Variants in PDIA6 observed in about 807,000 individuals in gnomAD.
PDIA6 encodes protein disulfide isomerase family A member 6.
A neutral mutation model predicts 58.4 loss-of-function variants in PDIA6; 29 were observed. The observed-to-expected ratio is 0.50, with a 90% CI of 0.37 to 0.68. The LOEUF is 0.68. PDIA6 is among the 30% of genes least tolerant of loss of function. The pLI is 0.00. For missense variants in PDIA6, 480 were observed against 551.0 expected (o/e 0.87, Z 1.29); for synonymous variants, 192 against 202.6 (o/e 0.95, Z 0.44).
Position 10,787,442 on chromosome 2 carries a change from A to T in PDIA6, c.999-3T>A. 2 of 1,608,046 alleles carry T rather than the reference A, an allele frequency of 1.2e-6. No homozygotes were observed. Among genetic ancestry groups the T allele is most frequent in the Non-Finnish European group, 1.7e-6 (2 of 1,176,938 alleles). ...CTCCAGCTTCTGTCCACAGCCACCTAGAAAACCAGACTGGTTTTTAGGGCA... is the reference window on the plus strand; with the variant it reads ...CTCCAGCTTCTGTCCACAGCCACCTTGAAAACCAGACTGGTTTTTAGGGCA... On this transcript the variant is annotated splice_polypyrimidine_tract_variant and splice_region_variant and intron_variant, in intron 10 of 12. Transcript: ENST00000272227.
upstream of PDIA6, among the ~76,000 whole-genome samples, chr2:10,813,872 A>C (rs1034677601): frequency 1.3e-5 from 2 of 151,292 alleles, no homozygotes; most frequent in Non-Finnish European, 2.9e-5. Flanking sequence ...TGACAGGTGC[A>C]TGTCACCACG....
At chr2:10,812,424 C>T (rs981548668) in intron 1 of PDIA6, among the ~76,000 whole-genome samples, 2 of 151,978 alleles carry the variant, frequency 1.3e-5, no homozygotes, top group African/African-American at 4.8e-5. Flanking sequence ...ACCCCGCGCC[C>T]GGCTCCAGCG....
At position 10,788,886 on chromosome 2, in the gene PDIA6, G is replaced by A. The variant is rs41264187; in HGVS notation, c.925+11C>T. 2.2e-5 allele frequency: 35 copies of A among 1,606,496 alleles called. No homozygotes were observed. In the South Asian group the frequency reaches 2.5e-4, roughly 12 times the overall value. On this transcript the variant is annotated intron_variant, in intron 9 of 12. Transcript: ENST00000272227. ...AGAACAGCTAAGGGAAATCATTTCC[G>A]TCTGTCTTACCAGTATCAAGGATAT...
chr2:10,784,665 A>G, intron 12 of PDIA6: 2 of 509,856 alleles, frequency 3.9e-6, no homozygotes, highest in Non-Finnish European at 3.4e-6. Context: ...AATGAATTCC[A>G]GGTTAAATGT....
chr2:10,794,522 C>G (rs1488318723), intron 4 of PDIA6, among the ~76,000 whole-genome samples: 2 of 146,422 alleles, frequency 1.4e-5, no homozygotes, highest in Non-Finnish European at 3.0e-5. Context: ...CTCAAGTGAT[C>G]CTCCCACCTC....
At chr2:10,833,326 T>C (rs1313350609), upstream of PDIA6, among the ~76,000 whole-genome samples, 1 of 152,192 alleles carries the variant, frequency 6.6e-6, no homozygotes, top group East Asian at 1.9e-4. Context: ...CCCGCAGTTG[T>C]TAATCATCCT....
At chr2:10,831,344 T>C (rs930948175) in intron 1 of PDIA6, among the ~76,000 whole-genome samples, 1 of 152,164 alleles carries the variant, frequency 6.6e-6, no homozygotes, top group East Asian at 1.9e-4. Flanking sequence ...TTTCTGAGGG[T>C]GGCCCCCACC....
chr2:10,812,762 G>GCCGCGCCC lies in PDIA6; in HGVS notation c.-74_-67dup, dbSNP rs1430028474. 2.9e-5 allele frequency: 39 copies of GCCGCGCCC among 1,354,782 alleles called. No individual in the cohort carries two copies. In the Admixed American group the frequency reaches 4.6e-4, roughly 16 times the overall value. The allele number at this position is 1,354,782 out of a possible 1,614,324, so 83.9% of individuals were successfully genotyped here. A position where few individuals can be genotyped will look rare whatever the true frequency, so the allele number is the denominator to read the frequency against. On this transcript the variant is annotated 5_prime_UTR_variant, in exon 1 of 13. Coordinates refer to ENST00000272227, the MANE Select transcript of PDIA6 (RefSeq NM_005742.4). ...GCTTCAGCCCTGCAGCGTGCCGCACGCCGCGCCCCCGCGCCCACGTCCCGC... is the reference window on the plus strand; with the variant it reads ...GCTTCAGCCCTGCAGCGTGCCGCACGCCGCGCCCCCGCGCCCCCGCGCCCACGTCCCGC...
chr2:10,801,286 C>T (rs1327618892), intron 2 of PDIA6, among the ~76,000 whole-genome samples: 3 of 152,012 alleles, frequency 2.0e-5, no homozygotes, highest in South Asian at 2.1e-4. Context: ...TCAAAAAAAG[C>T]GCTTGCTCTA....
At position 10,802,982 on chromosome 2, in the gene PDIA6, T is replaced by C. The variant is rs536541787; in HGVS notation, c.20-342A>G. Among the ~76,000 whole-genome samples, 5 of 152,358 alleles carry C rather than the reference T, an allele frequency of 3.3e-5. No homozygotes were observed. The South Asian group carries it at 6.2e-4, about 19-fold the overall frequency. ...TACTGTCATTTTATGGCATGGACGCTGAAAAATTGGGAGGTCACTTCTGCC... is the reference window on the plus strand; with the variant it reads ...TACTGTCATTTTATGGCATGGACGCCGAAAAATTGGGAGGTCACTTCTGCC... On this transcript the variant is annotated intron_variant, in intron 1 of 12. Coordinates refer to ENST00000272227, the MANE Select transcript of PDIA6 (RefSeq NM_005742.4).
At chr2:10,814,060 C>T (rs1032985292), upstream of PDIA6, among the ~76,000 whole-genome samples, 2 of 152,212 alleles carry the variant, frequency 1.3e-5, no homozygotes, top group Non-Finnish European at 2.9e-5. Flanking sequence ...GTTAAGACCA[C>T]TGTATCTTTC....
chr2:10,808,284 A>C (rs186320327), intron 1 of PDIA6, among the ~76,000 whole-genome samples: 1 of 152,304 alleles, frequency 6.6e-6, no homozygotes, highest in East Asian at 1.9e-4. Context: ...TGCTACTGGG[A>C]GATAAAGTAG....
intron 2 of PDIA6, among the ~76,000 whole-genome samples, chr2:10,818,951 C>T (rs191536238): frequency 2.6e-5 from 4 of 152,248 alleles, no homozygotes; most frequent in African/African-American, 9.6e-5. Flanking sequence ...AATCCTCATT[C>T]CCCCTCCCCC....
intron 1 of PDIA6, chr2:10,810,383 A>G: frequency 6.7e-7 from 1 of 1,496,160 alleles, no homozygotes. Flanking sequence ...GGACAGCAAT[A>G]ACGTCAGTCC....
intron 4 of PDIA6, among the ~76,000 whole-genome samples, chr2:10,796,182 T>C (rs1362385923): frequency 1.3e-5 from 2 of 151,460 alleles, no homozygotes; most frequent in African/African-American, 4.9e-5. Flanking sequence ...GCCTCCAGAG[T>C]AGCTGGGACT....
At chr2:10,784,654 AAATG>A (rs776869506) in intron 12 of PDIA6, 12 of 509,142 alleles carry the variant, frequency 2.4e-5, no homozygotes, top group Non-Finnish European at 3.4e-5. Flanking sequence ...AAGATAAAGT[AAATG>A]AATTCCAGGT....
intron 1 of PDIA6, among the ~76,000 whole-genome samples, chr2:10,826,091 G>A (rs908318256): frequency 6.6e-6 from 1 of 152,238 alleles, no homozygotes; most frequent in Non-Finnish European, 1.5e-5. Context: ...CCTGACGAAT[G>A]GATGAACGAA....
chr2:10,795,207 T>G (rs930094283), intron 4 of PDIA6, among the ~76,000 whole-genome samples: 1 of 152,222 alleles, frequency 6.6e-6, no homozygotes, highest in African/African-American at 2.4e-5. Context: ...ATACTGTCTA[T>G]TGCAACTACT....
upstream of PDIA6, among the ~76,000 whole-genome samples, chr2:10,815,281 A>G (rs985166106): frequency 6.6e-6 from 1 of 152,160 alleles, no homozygotes; most frequent in Admixed American, 6.5e-5. Context: ...CAACCTAATT[A>G]TACGAGCAAC....
Sources: allele counts gnomAD v4.1 joint callset (sites outside exome capture counted in the v4.1 genomes callset), GRCh38; gene constraint gnomAD v4.1.1; transcripts MANE v1.5; gene names NCBI Gene and HGNC (gene_info 2026-07-23, HGNC 2026-07-21).